The following ADAMTS2 variants were observed in gnomAD, a reference collection of about 807,000 sequenced individuals.
ADAMTS2 encodes the protein ADAM metallopeptidase with thrombospondin type 1 motif 2, also known as A disintegrin and metalloproteinase with thrombospondin motifs 2.
ADAMTS2 carries 50 observed loss-of-function variants against 123.0 expected under a neutral mutation model. That is an observed-to-expected ratio of 0.41 (90% confidence interval 0.32 to 0.51). The LOEUF (loss-of-function observed/expected upper bound fraction) is 0.51, where lower values mean the gene tolerates loss of function less well. Ranked by LOEUF, ADAMTS2 falls within the 20% of genes least tolerant of loss-of-function variation. The pLI is 0.35. For missense variants in ADAMTS2, 1,494 were observed against 1,705.2 expected, an observed-to-expected ratio of 0.88 and a Z score of 2.18; for synonymous variants, 678 against 695.4, an observed-to-expected ratio of 0.98 and a Z score of 0.39.
chr5:179,165,011 G>A (rs1039265367), intron 5 of ADAMTS2, among the ~76,000 whole-genome samples: 6 of 152,224 alleles, frequency 3.9e-5, no homozygotes, highest in Admixed American at 3.3e-4. Flanking sequence ...TGGGCTGGCC[G>A]TGGACAGGGC....
intron 2 of ADAMTS2, among the ~76,000 whole-genome samples, chr5:179,329,190 G>C (rs1476152604): frequency 6.6e-6 from 1 of 152,226 alleles, no homozygotes; most frequent in East Asian, 1.9e-4. Flanking sequence ...AGCCGGGTGT[G>C]GTGGCGGGCG....
At chr5:179,230,935 C>T (rs911729532) in intron 3 of ADAMTS2, among the ~76,000 whole-genome samples, 3 of 149,224 alleles carry the variant, frequency 2.0e-5, no homozygotes, top group Admixed American at 6.7e-5. Context: ...GGCTTGAACC[C>T]GGGAGGCGGA....
rs374187435 is a variant in ADAMTS2, at chr5:179,165,823, C to T, written c.976-6944G>A. On this transcript the variant is annotated intron_variant, in intron 5 of 21. Transcript: ENST00000251582. ...AGCCTAGGGCCCCAGAAGAGCCAGGCGGGAGAAGCCTGCAGTAGGGCTGTG... is the reference window on the plus strand; with the variant it reads ...AGCCTAGGGCCCCAGAAGAGCCAGGTGGGAGAAGCCTGCAGTAGGGCTGTG... 1.7e-4 allele frequency among the ~76,000 whole-genome samples: 26 copies of T among 152,322 alleles called. No homozygotes were observed. The East Asian group carries it at 2.7e-3, about 16-fold the overall frequency.
At chr5:179,253,975 C>T (rs537078931) in intron 3 of ADAMTS2, among the ~76,000 whole-genome samples, 2 of 152,276 alleles carry the variant, frequency 1.3e-5, no homozygotes, top group East Asian at 1.9e-4. Flanking sequence ...CAGAGGTGAT[C>T]GGAGCCCCCT....
At position 179,135,910 on chromosome 5, in the gene ADAMTS2, C is replaced by G; in HGVS notation, c.2084G>C (p.Arg695Thr). Residue 695 changes from arginine (R) to threonine (T), a missense_variant and splice_region_variant, in exon 13 of 22, where the codon AGG becomes ACG. Coordinates refer to ENST00000251582, the MANE Select transcript of ADAMTS2 (RefSeq NM_014244.5). Reference sequence around the variant, plus strand: ...CCGTGCCGGCCTCTGTGTACTCACCCTGCAGTCCCCGCGCACACAGAGGCT... The same window carrying G: ...CCGTGCCGGCCTCTGTGTACTCACCGTGCAGTCCCCGCGCACACAGAGGCT... Reference protein sequence around the residue: ...AFSLCVRGDCRKVGCDGVIGS... With the variant: ...AFSLCVRGDCTKVGCDGVIGS... The G allele has an allele frequency of 6.2e-7, 1 of 1,613,130 alleles. No individual in the cohort carries two copies.
chr5:179,200,994 A>C (rs1249341151), intron 4 of ADAMTS2, among the ~76,000 whole-genome samples: 1 of 152,250 alleles, frequency 6.6e-6, no homozygotes, highest in Non-Finnish European at 1.5e-5. Flanking sequence ...TCTGTTTACA[A>C]ATACACGTAT....
chr5:179,208,773 C>T (rs1386960041), intron 3 of ADAMTS2, among the ~76,000 whole-genome samples: 2 of 152,052 alleles, frequency 1.3e-5, no homozygotes, highest in Non-Finnish European at 2.9e-5. Context: ...TTCCCTTGCA[C>T]TGGTCTCTGT....
rs1001540781 is a variant in ADAMTS2 at position 179,225,350 on chromosome 5, G to A, written c.689-17635C>T. On this transcript the variant is annotated intron_variant, in intron 3 of 21. Coordinates refer to ENST00000251582, the MANE Select transcript of ADAMTS2 (RefSeq NM_014244.5). This position sits in a 1 kb window ranked among gnomAD's most constrained non-coding sequence, Gnocchi z 4.5. ...GATACAAAAGTGCTGGGTAGAGAAG[G>A]GCATGCTCCCTTTAAATGATATGGA... Among the ~76,000 whole-genome samples the A allele has an allele frequency of 6.6e-6, 1 of 152,182 alleles. No individual in the cohort carries two copies.
At chr5:179,121,604 A>T in intron 21 of ADAMTS2, 57 bp downstream of exon 21, 1 of 1,428,308 alleles carries the variant, frequency 7.0e-7, no homozygotes, top group Non-Finnish European at 9.6e-7. Flanking sequence ...GGCAAGCTCC[A>T]CAGGGCGCAG....
At chr5:179,160,327 C>T (rs1228133753) in intron 5 of ADAMTS2, among the ~76,000 whole-genome samples, 2 of 152,050 alleles carry the variant, frequency 1.3e-5, no homozygotes, top group Admixed American at 6.6e-5. Flanking sequence ...GGCTTGGTGG[C>T]GTAATCCCAG....
chr5:179,282,218 C>T (rs1446118400), intron 2 of ADAMTS2, among the ~76,000 whole-genome samples: 1 of 152,150 alleles, frequency 6.6e-6, no homozygotes, highest in Admixed American at 6.5e-5. Flanking sequence ...TTGCCTAATC[C>T]AAAGTAACAA....
At chr5:179,335,712 C>G (rs1290445354) in intron 2 of ADAMTS2, among the ~76,000 whole-genome samples, 2 of 152,226 alleles carry the variant, frequency 1.3e-5, no homozygotes, top group Non-Finnish European at 2.9e-5. Context: ...TCCAGAAGCT[C>G]TGTCCCAATC....
At chr5:179,138,051 CG>C in intron 11 of ADAMTS2, 107 bp from the exon 12 acceptor site, 4 of 1,291,036 alleles carry the variant, frequency 3.1e-6, no homozygotes, top group Non-Finnish European at 4.3e-6. Flanking sequence ...CTCAGGTGTC[CG>C]GGGGGCAGCT....
chr5:179,262,367 C>T lies in ADAMTS2; in HGVS notation c.688+10544G>A, dbSNP rs773342600. ...CTCATCCTGAACCCACTGCCTCCAC[C>T]GCCATCTGTCACCGGGACTCCTCCC... is the stretch of plus-strand genomic sequence containing the variant. On this transcript the variant is annotated intron_variant, in intron 3 of 21. Coordinates refer to ENST00000251582, the MANE Select transcript of ADAMTS2 (RefSeq NM_014244.5). The surrounding 1 kb of genome is among the most constrained non-coding windows in gnomAD (Gnocchi z 5.9). Among the ~76,000 whole-genome samples, 3 of 152,238 alleles carry T rather than the reference C, an allele frequency of 2.0e-5. No individual in the cohort carries two copies. The highest frequency in any genetic ancestry group is 2.1e-4 in the South Asian group (1 of 4,808).
intron 3 of ADAMTS2, among the ~76,000 whole-genome samples, chr5:179,271,669 G>A (rs920129296): frequency 6.6e-5 from 10 of 152,226 alleles, no homozygotes; most frequent in Non-Finnish European, 1.5e-4. Flanking sequence ...CATAGCAGAC[G>A]CTGATTTGTC....
intron 3 of ADAMTS2, among the ~76,000 whole-genome samples, chr5:179,241,862 G>T (rs968231943): frequency 6.6e-6 from 1 of 152,160 alleles, no homozygotes; most frequent in Non-Finnish European, 1.5e-5. Context: ...GCAAGTGGGG[G>T]ACCATCTTGT....
At chr5:179,208,735 C>T (rs960076904) in intron 3 of ADAMTS2, among the ~76,000 whole-genome samples, 7 of 152,176 alleles carry the variant, frequency 4.6e-5, no homozygotes, top group Admixed American at 3.3e-4. Context: ...CCACCGCCCC[C>T]CAAGCCCCAG....
intron 5 of ADAMTS2, among the ~76,000 whole-genome samples, chr5:179,176,187 C>T (rs1006887144): frequency 2.0e-5 from 3 of 152,088 alleles, no homozygotes; most frequent in Non-Finnish European, 4.4e-5. Context: ...GTCCTGTTGC[C>T]CTCTGTTACT....
At chr5:179,301,455 C>T (rs1007155948) in intron 2 of ADAMTS2, among the ~76,000 whole-genome samples, 1 of 152,330 alleles carries the variant, frequency 6.6e-6, no homozygotes, top group South Asian at 2.1e-4. Flanking sequence ...GAAACAGGCT[C>T]CAAGAGATGA....
Sources: allele counts gnomAD v4.1 joint callset (sites outside exome capture counted in the v4.1 genomes callset), GRCh38; gene constraint gnomAD v4.1.1; non-coding constraint Gnocchi (gnomAD v3.1); transcripts MANE v1.5; gene names NCBI Gene and HGNC (gene_info 2026-07-23, HGNC 2026-07-21).